COL25A1: variants seen among roughly 807,000 people sequenced by gnomAD.
COL25A1 encodes collagen type XXV alpha 1 chain.
COL25A1 carries 103 observed loss-of-function variants against 128.4 expected under a neutral mutation model. That is an observed-to-expected ratio of 0.80 (90% CI 0.68 to 0.94). COL25A1 has a LOEUF of 0.94. Ranked by LOEUF, COL25A1 falls within the 40% of genes least tolerant of loss-of-function variation. The pLI is 0.00. For missense variants in COL25A1, 745 were observed against 840.0 expected (o/e 0.89, Z 1.40); for synonymous variants, 279 against 277.2 (o/e 1.01, Z -0.06).
chr4:109,083,454 T>TAA (rs1560659276), intron 3 of COL25A1, among the ~76,000 whole-genome samples: 5 of 116,470 alleles, frequency 4.3e-5, no homozygotes, highest in African/African-American at 1.6e-4. Flanking sequence ...ATAAATTTTT[T>TAA]TTTTTTTTTT....
At chr4:108,882,541 T>A (rs1025306733) in intron 19 of COL25A1, among the ~76,000 whole-genome samples, 8 of 152,178 alleles carry the variant, frequency 5.3e-5, no homozygotes, top group African/African-American at 1.2e-4. Context: ...AAATAGTTTT[T>A]AAATTTTTAT....
At chr4:109,005,976 A>G (rs1561010898) in intron 6 of COL25A1, among the ~76,000 whole-genome samples, 1 of 152,188 alleles carries the variant, frequency 6.6e-6, no homozygotes, top group Non-Finnish European at 1.5e-5. Flanking sequence ...ATAAAATCAA[A>G]GAAATCAAAA....
At chr4:109,198,687 G>A (rs1292879253) in intron 3 of COL25A1, among the ~76,000 whole-genome samples, 1 of 152,158 alleles carries the variant, frequency 6.6e-6, no homozygotes, top group Non-Finnish European at 1.5e-5. Context: ...ATCTGTTTCA[G>A]CTGTGATGAG....
In COL25A1 at chr4:109,013,112, A is replaced by G. The variant is rs1273714823; in HGVS notation, c.421-2737T>C. The stretch of plus-strand genomic sequence containing the variant: ...CTAAAGGATTGTAAATGCACCAATC[A>G]GCACTCTGTGTCTAGCTCAAAGTTT... On this transcript the variant is annotated intron_variant, in intron 5 of 37. Transcript: ENST00000399132. 3.3e-5 allele frequency among the ~76,000 whole-genome samples: 5 copies of G among 152,216 alleles called. No individual in the cohort carries two copies. The South Asian group carries it at 8.3e-4, about 25-fold the overall frequency.
At chr4:108,907,828 T>C (rs903687772) in intron 13 of COL25A1, among the ~76,000 whole-genome samples, 2 of 152,218 alleles carry the variant, frequency 1.3e-5, no homozygotes, top group Non-Finnish European at 2.9e-5. Flanking sequence ...ACCAGCCTAA[T>C]ATCATAATAC....
intron 19 of COL25A1, among the ~76,000 whole-genome samples, chr4:108,869,629 G>A (rs1738456775): frequency 6.6e-6 from 1 of 152,160 alleles, no homozygotes; most frequent in Non-Finnish European, 1.5e-5. Context: ...GAGAACTGGT[G>A]TTGGAAAATA....
At chr4:109,013,821 T>C (rs2126051710) in intron 5 of COL25A1, among the ~76,000 whole-genome samples, 1 of 152,266 alleles carries the variant, frequency 6.6e-6, no homozygotes, top group Middle Eastern at 3.4e-3. Flanking sequence ...ACACCATCTT[T>C]AAGAACTGTA....
At chr4:109,027,015 A>G (rs1317939133) in intron 5 of COL25A1, among the ~76,000 whole-genome samples, 3 of 152,226 alleles carry the variant, frequency 2.0e-5, no homozygotes, top group African/African-American at 7.2e-5. Flanking sequence ...CAGATGTGAG[A>G]GGAATAAAAT....
intron 3 of COL25A1, among the ~76,000 whole-genome samples, chr4:109,204,933 A>G (rs1163197023): frequency 1.3e-5 from 2 of 152,140 alleles, no homozygotes. Context: ...ATTTTGTACT[A>G]TAGAGTAGAT....
At chr4:108,923,244 A>C (rs989608144) in intron 11 of COL25A1, among the ~76,000 whole-genome samples, 1 of 152,236 alleles carries the variant, frequency 6.6e-6, no homozygotes, top group African/African-American at 2.4e-5. Context: ...CAGTTGGTTA[A>C]GATGATTACA....
chr4:108,962,565 T>C (rs1377067553), intron 8 of COL25A1, among the ~76,000 whole-genome samples: 2 of 152,140 alleles, frequency 1.3e-5, no homozygotes, highest in Non-Finnish European at 2.9e-5. Flanking sequence ...TAACCAGTTC[T>C]TTGATGGTTT....
At chr4:109,285,522 G>A (rs1042214459) in intron 3 of COL25A1, among the ~76,000 whole-genome samples, 24 of 152,232 alleles carry the variant, frequency 1.6e-4, no homozygotes, top group African/African-American at 4.3e-4. Flanking sequence ...CCAAGGCAGC[G>A]TTGTCCCTTG....
intron 3 of COL25A1, among the ~76,000 whole-genome samples, chr4:109,212,960 T>C (rs185918075): frequency 6.6e-6 from 1 of 152,234 alleles, no homozygotes; most frequent in Admixed American, 6.5e-5. Context: ...AGGAGAAATA[T>C]TTGCTTTTCA....
At chr4:109,173,910 A>C (rs1224207676) in intron 3 of COL25A1, among the ~76,000 whole-genome samples, 1 of 152,122 alleles carries the variant, frequency 6.6e-6, no homozygotes, top group Non-Finnish European at 1.5e-5. Context: ...CAAAATCTGA[A>C]ATACTCCAAT....
intron 11 of COL25A1, among the ~76,000 whole-genome samples, chr4:108,935,377 T>C (rs1182099202): frequency 6.6e-6 from 1 of 152,326 alleles, no homozygotes; most frequent in East Asian, 1.9e-4. Context: ...GGTTTGTACA[T>C]AGTTTTGTTC....
At chr4:108,822,042 AATT>A (rs1475172553) in intron 35 of COL25A1, among the ~76,000 whole-genome samples, 1 of 12,486 alleles carries the variant, frequency 8.0e-5, no homozygotes, top group Non-Finnish European at 1.4e-4. Flanking sequence ...TCCTAATGGT[AATT>A]TTTTTTTTTT....
chr4:109,241,298 T>C (rs1779880543), intron 3 of COL25A1, among the ~76,000 whole-genome samples: 1 of 152,074 alleles, frequency 6.6e-6, no homozygotes, highest in Admixed American at 6.6e-5. Context: ...ATTTTGAAGC[T>C]ACTCCTTTTT....
intron 5 of COL25A1, among the ~76,000 whole-genome samples, chr4:109,036,322 G>A (rs1759348835): frequency 6.6e-6 from 1 of 152,084 alleles, no homozygotes; most frequent in Admixed American, 6.5e-5. Flanking sequence ...AAACCCAGGG[G>A]ATATAGTCAG....
At position 109,136,396 on chromosome 4, in the gene COL25A1, T is replaced by C. The variant is rs1179126376; in HGVS notation, c.368-86217A>G. On this transcript the variant is annotated intron_variant, in intron 3 of 37. Coordinates refer to ENST00000399132, the MANE Select transcript of COL25A1 (RefSeq NM_198721.4). Reference sequence around the variant, plus strand: ...GCTGGGCAAAAAGAGCAAAACTCTGTCTCAAAATAATAATAATAATAATCT... The same window carrying C: ...GCTGGGCAAAAAGAGCAAAACTCTGCCTCAAAATAATAATAATAATAATCT... Among the ~76,000 whole-genome samples, 4 of 152,102 alleles carry C rather than the reference T, an allele frequency of 2.6e-5. No homozygotes were observed. The East Asian group carries it at 5.8e-4, about 22-fold the overall frequency.
Sources: gnomAD v4.1 joint callset for allele counts (sites outside exome capture counted in the v4.1 genomes callset) on GRCh38, gnomAD v4.1.1 for gene constraint, MANE v1.5 for transcripts, NCBI Gene and HGNC (gene_info 2026-07-23, HGNC 2026-07-21) for gene names.